Variants in HMGXB3 observed in about 807,000 individuals in gnomAD.
HMGXB3 encodes the protein HMG domain-containing protein 3.
In HMGXB3, 45 loss-of-function variants were observed where a neutral mutation model predicts 121.5. That is an observed-to-expected ratio of 0.37 (90% CI 0.29 to 0.47). HMGXB3 has a LOEUF of 0.47. HMGXB3 is among the 20% of genes least tolerant of loss of function. The pLI is 0.99. For missense variants in HMGXB3, 1,376 were observed against 1,602.2 expected, an observed-to-expected ratio of 0.86 and a Z score of 2.41; for synonymous variants, 590 against 624.1, an observed-to-expected ratio of 0.95 and a Z score of 0.81.
rs1039239985 is a variant in HMGXB3, at chr5:150,021,931, G to C, written c.1042-2331G>C. ...TGTCTTTAAAAGCCTTGGCTGCAGC[G>C]GGCTTCCTGACCGACTTGTTCCTTG... On this transcript the variant is annotated intron_variant, in intron 6 of 19. Coordinates refer to ENST00000502717, the MANE Select transcript of HMGXB3 (RefSeq NM_014983.3). 6.2e-6 allele frequency: 3 copies of C among 483,126 alleles called. No individual in the cohort carries two copies. The East Asian group carries it at 1.7e-4, about 27-fold the overall frequency. 29.9% of individuals were successfully genotyped at this position (483,126 alleles called of 1,614,324 possible).
chr5:150,052,136 A>AAGACAG lies in HMGXB3; in HGVS notation c.3832_3837dup (p.Thr1278_Glu1279dup). 1 of 1,551,394 alleles carries AAGACAG rather than the reference A, an allele frequency of 6.4e-7. No individual in the cohort carries two copies. The highest frequency in any genetic ancestry group is 8.7e-7 in the Non-Finnish European group (1 of 1,146,898). ...CTACCGCCTTGGGGTTGCTCAGATCAAGACAGAGACAGAGGAGGAGGGTGA... is the reference window on the plus strand; with the variant it reads ...CTACCGCCTTGGGGTTGCTCAGATCAAGACAGAGACAGAGACAGAGGAGGAGGGTGA... On this transcript the variant is annotated inframe_insertion, in exon 20 of 20. Transcript: ENST00000502717.
In HMGXB3 at chr5:150,019,058, C is replaced by T. The variant is rs145137809; in HGVS notation, c.1041+361C>T. Among the ~76,000 whole-genome samples the T allele has an allele frequency of 4.0e-5, 6 of 151,838 alleles. No individual in the cohort carries two copies. The East Asian group carries it at 9.7e-4, about 25-fold the overall frequency. Reference sequence around the variant, plus strand: ...GCTCTGGCCTCAAACAGTCTCCTGTCTCGGCCTCCCAAAGTGCTGGGATTA... The same window carrying T: ...GCTCTGGCCTCAAACAGTCTCCTGTTTCGGCCTCCCAAAGTGCTGGGATTA... On this transcript the variant is annotated intron_variant, in intron 6 of 19. Coordinates refer to ENST00000502717, the MANE Select transcript of HMGXB3 (RefSeq NM_014983.3).
Position 150,024,377 on chromosome 5 carries a change from C to T in HMGXB3, c.1157C>T (p.Ala386Val). Residue 386 changes from alanine to valine, a missense_variant, in exon 7 of 20, where the codon GCC becomes GTC. Ala to Val is a moderately conservative substitution (Grantham distance 64). Coordinates refer to ENST00000502717, the MANE Select transcript of HMGXB3 (RefSeq NM_014983.3). The part of the protein sequence containing the change: ...TTEQNSSKEN[A>V]SKLTLENSEA... ...GAGCAAAATTCCTCTAAGGAAAATGCCTCCAAACTGACTCTGGAGAATTCG... is the reference window on the plus strand; with the variant it reads ...GAGCAAAATTCCTCTAAGGAAAATGTCTCCAAACTGACTCTGGAGAATTCG... 6.4e-7 allele frequency: 1 copy of T among 1,551,732 alleles called. No homozygotes were observed. The highest frequency in any genetic ancestry group is 8.7e-7 in the Non-Finnish European group (1 of 1,147,006).
chr5:150,007,588 T>G lies in HMGXB3; in HGVS notation c.312+941T>G, dbSNP rs1030566741. ...TTTTGTGCTTATTGGCCTGGCATTC[T>G]TCTTTCTGGGAGAGCTTTGTCTTAC... On this transcript the variant is annotated intron_variant, in intron 3 of 19. Coordinates refer to ENST00000502717, the MANE Select transcript of HMGXB3 (RefSeq NM_014983.3). Among the ~76,000 whole-genome samples the G allele has an allele frequency of 2.0e-5, 3 of 152,214 alleles. No homozygotes were observed. The East Asian group carries it at 5.8e-4, about 29-fold the overall frequency.
intron 19 of HMGXB3, among the ~76,000 whole-genome samples, chr5:150,051,088 A>G (rs1050769150): frequency 6.6e-6 from 1 of 152,220 alleles, no homozygotes; most frequent in Non-Finnish European, 1.5e-5. Context: ...TTTTATTAAA[A>G]GGGGAAGCTA....
Position 150,048,674 on chromosome 5 carries a change from T to C in HMGXB3, c.3190T>C (p.Cys1064Arg). 6.5e-7 allele frequency: 1 copy of C among 1,548,240 alleles called. No homozygotes were observed. Among genetic ancestry groups the C allele is most frequent in the Non-Finnish European group, 8.7e-7 (1 of 1,143,774 alleles). The stretch of plus-strand genomic sequence containing the variant: ...CACAGGTGGTAAAATCTACAAGGTG[T>C]GCCCCCATCAGGTAAGAAAATAACT... ...HFTGGKIYKV[C>R]PHQVVCGSKY... The change falls in exon 18 of 20, where the codon TGC (cysteine) becomes CGC (arginine). Residue 1064 changes from cysteine (C) to arginine (R), a missense_variant. Coordinates refer to ENST00000502717, the MANE Select transcript of HMGXB3 (RefSeq NM_014983.3).
chr5:150,001,395 T>A (rs983908793), intron 1 of HMGXB3, among the ~76,000 whole-genome samples: 1 of 152,206 alleles, frequency 6.6e-6, no homozygotes, highest in Non-Finnish European at 1.5e-5. Context: ...TGACCCAGAA[T>A]GAGGGAAAGG....
chr5:150,011,212 G>A (rs1755828401), intron 4 of HMGXB3, among the ~76,000 whole-genome samples: 1 of 152,154 alleles, frequency 6.6e-6, no homozygotes, highest in East Asian at 1.9e-4. Flanking sequence ...TATCTTCAAG[G>A]CCAGGTTGAT....
chr5:150,026,126 G>A (rs546749806), intron 7 of HMGXB3, among the ~76,000 whole-genome samples: 134 of 148,966 alleles, frequency 9.0e-4, no homozygotes, highest in Non-Finnish European at 1.6e-3. Context: ...TACCGCGCCC[G>A]GCCCCATCTT....
intron 14 of HMGXB3, among the ~76,000 whole-genome samples, chr5:150,041,135 G>T (rs2304070): frequency 0.2 from 30,275 of 152,112 alleles, 4,195 homozygotes; most frequent in African/African-American, 0.38. Context: ...ACCTTCTTTG[G>T]TCATAGGGAG....
Position 150,006,633 on chromosome 5 carries a change from G to A in HMGXB3, c.298G>A (p.Glu100Lys). 6.4e-7 allele frequency: 1 copy of A among 1,552,180 alleles called. No homozygotes were observed. The highest frequency in any genetic ancestry group is 8.7e-7 in the Non-Finnish European group (1 of 1,147,066). Residue 100 changes from glutamate to lysine, a missense_variant, in exon 3 of 20, where the codon GAA becomes AAA. Physicochemically the swap from Glu to Lys is moderately conservative, Grantham distance 56. Coordinates refer to ENST00000502717, the MANE Select transcript of HMGXB3 (RefSeq NM_014983.3). ...YYLEKAKLEK[E>K]GLDPNSKLSA... ...CTTGGAGAAAGCCAAACTAGAGAAG[G>A]AAGGTTTGGATCCTGTAAGTAATTT... is the stretch of plus-strand genomic sequence containing the variant.
At chr5:150,050,203 C>T (rs1756857045) in intron 18 of HMGXB3, 49 bp from the exon 19 acceptor site, 4 of 1,452,864 alleles carry the variant, frequency 2.8e-6, no homozygotes, top group African/African-American at 1.4e-5. Flanking sequence ...ACACTCTCTG[C>T]AGACTGGCTT....
At chr5:150,025,829 TC>T (rs1756216021) in intron 7 of HMGXB3, among the ~76,000 whole-genome samples, 1 of 152,090 alleles carries the variant, frequency 6.6e-6, no homozygotes, top group Non-Finnish European at 1.5e-5. Flanking sequence ...CGCCTTGGCC[TC>T]CCAAATACAT....
intron 2 of HMGXB3, among the ~76,000 whole-genome samples, chr5:150,005,516 T>C (rs1363931987): frequency 6.7e-6 from 1 of 149,448 alleles, no homozygotes; most frequent in Non-Finnish European, 1.5e-5. Flanking sequence ...AGAGAATCAC[T>C]TGAATCTGGG....
chr5:150,008,597 A>G (rs1755762412), intron 3 of HMGXB3, among the ~76,000 whole-genome samples: 1 of 152,232 alleles, frequency 6.6e-6, no homozygotes, highest in African/African-American at 2.4e-5. Flanking sequence ...CAATGCCCAC[A>G]TACCTTGGGA....
At chr5:150,020,212 A>G (rs1003057450) in intron 6 of HMGXB3, among the ~76,000 whole-genome samples, 2 of 152,198 alleles carry the variant, frequency 1.3e-5, no homozygotes, top group African/African-American at 2.4e-5. Flanking sequence ...TATTAGCCCT[A>G]CTATTGCTCT....
intron 5 of HMGXB3, 25 bp from the exon 6 acceptor site, chr5:150,018,541 A>G (rs1383201089): frequency 6.6e-7 from 1 of 1,517,680 alleles, no homozygotes; most frequent in African/African-American, 1.4e-5. Context: ...TGTTCTATTG[A>G]TTCTGATGTG....
At position 150,053,051 on chromosome 5, in the gene HMGXB3, T is replaced by G; in HGVS notation, c.*859T>G. The G allele has an allele frequency of 2.3e-5, 4 of 171,212 alleles. No homozygotes were observed. Among genetic ancestry groups the G allele is most frequent in the East Asian group, 1.1e-4 (1 of 9,360 alleles). 10.6% of individuals were successfully genotyped at this position (171,212 alleles called of 1,614,324 possible). ...TTGTTTAGGGCCTGGGAATTGGCCA[T>G]GTGTTAATTTATTGAGTGGAGTAGG... On this transcript the variant is annotated 3_prime_UTR_variant, in exon 20 of 20. Transcript: ENST00000502717.
In HMGXB3 at chr5:150,018,309, A is replaced by G. The variant is rs1756005902; in HGVS notation, c.910-257A>G. Among the ~76,000 whole-genome samples, 4 of 152,346 alleles carry G rather than the reference A, an allele frequency of 2.6e-5. No homozygotes were observed. The South Asian group carries it at 8.3e-4, about 32-fold the overall frequency. ...GTGGTGCCTAGCTCAATGCATAGCA[A>G]CTATCACTTTCTTCATTCTTCTGGT... is the stretch of plus-strand genomic sequence containing the variant. On this transcript the variant is annotated intron_variant, in intron 5 of 19. Transcript: ENST00000502717.
Sources: allele counts gnomAD v4.1 joint callset (sites outside exome capture counted in the v4.1 genomes callset), GRCh38; gene constraint gnomAD v4.1.1; transcripts MANE v1.5; gene names NCBI Gene and HGNC (gene_info 2026-07-23, HGNC 2026-07-21).